GRID2: variants seen among roughly 807,000 people sequenced by gnomAD.
GRID2 encodes the protein glutamate receptor ionotropic, delta-2.
In GRID2, 33 loss-of-function variants were observed where a neutral mutation model predicts 114.8. The observed-to-expected ratio is 0.29, with a 90% CI of 0.22 to 0.38. GRID2 has a LOEUF of 0.38. GRID2 is among the 10% of genes least tolerant of loss of function. The pLI, the probability that GRID2 is intolerant of heterozygous loss-of-function variation, is 1.00. For synonymous variants in GRID2, 505 were observed against 449.9 expected (o/e 1.12, Z -1.55); for missense variants, 1,184 against 1,257.7 (o/e 0.94, Z 0.89).
rs117117075 is a variant in GRID2, at chr4:92,555,458, G to A, written c.89-34673G>A. ...TTAAGGATAGTGAAAATCCATCTCA[G>A]TAGTGTTCAGGATGATAACAGATTG... On this transcript the variant is annotated intron_variant, in intron 1 of 15. Transcript: ENST00000282020. Among the ~76,000 whole-genome samples, 41 of 152,230 alleles carry A rather than the reference G, an allele frequency of 2.7e-4. No homozygotes were observed. In the East Asian group the frequency reaches 6.8e-3, roughly 25 times the overall value.
intron 2 of GRID2, among the ~76,000 whole-genome samples, chr4:92,598,226 C>T (rs528208627): frequency 2.0e-5 from 3 of 152,110 alleles, no homozygotes; most frequent in South Asian, 2.1e-4. Flanking sequence ...AAAATGAATC[C>T]GCCAGTACCT....
At chr4:92,752,610 ATTTT>A (rs1186990186) in intron 2 of GRID2, among the ~76,000 whole-genome samples, 3 of 152,106 alleles carry the variant, frequency 2.0e-5, no homozygotes, top group Admixed American at 2.0e-4. Context: ...ATTTCAGTGG[ATTTT>A]TTATTTAGTT....
chr4:92,541,483 CAATAAT>C (rs10643398), intron 1 of GRID2, among the ~76,000 whole-genome samples: 8 of 150,794 alleles, frequency 5.3e-5, no homozygotes, highest in African/African-American at 1.2e-4. Context: ...CTCAATTTTC[CAATAAT>C]AATAATAATA....
chr4:92,503,393 G>C (rs1723788801), intron 1 of GRID2, among the ~76,000 whole-genome samples: 1 of 152,080 alleles, frequency 6.6e-6, no homozygotes, highest in Non-Finnish European at 1.5e-5. Context: ...CCACCTCAAA[G>C]AGAGATACAA....
chr4:92,980,226 G>T (rs369861550), intron 2 of GRID2, among the ~76,000 whole-genome samples: 27 of 152,004 alleles, frequency 1.8e-4, no homozygotes, highest in African/African-American at 6.5e-4. Context: ...GATAGGGTTG[G>T]GAGAGTAGAG....
chr4:92,550,415 T>G (rs1726524979), intron 1 of GRID2, among the ~76,000 whole-genome samples: 1 of 152,214 alleles, frequency 6.6e-6, no homozygotes, highest in South Asian at 2.1e-4. Context: ...TCCACAGATG[T>G]TCATTAGACA....
intron 10 of GRID2, among the ~76,000 whole-genome samples, chr4:93,449,960 T>C (rs4693320): frequency 0.23 from 35,673 of 151,904 alleles, 5,355 homozygotes; most frequent in Non-Finnish European, 0.34. Flanking sequence ...TTTGCTTCAA[T>C]TGCATAAGAC....
At chr4:92,720,914 G>T (rs745435059) in intron 2 of GRID2, among the ~76,000 whole-genome samples, 4 of 152,006 alleles carry the variant, frequency 2.6e-5, no homozygotes, top group Admixed American at 1.3e-4. Context: ...AATGTTAATT[G>T]ACACAAAAAT....
At chr4:93,617,421 G>C (rs1288862542) in intron 13 of GRID2, among the ~76,000 whole-genome samples, 1 of 152,076 alleles carries the variant, frequency 6.6e-6, no homozygotes, top group South Asian at 2.1e-4. Context: ...CAAACTATGA[G>C]ATTCAGTCTG....
intron 1 of GRID2, among the ~76,000 whole-genome samples, chr4:92,482,093 A>G (rs1286488507): frequency 2.1e-5 from 3 of 144,706 alleles, no homozygotes; most frequent in Non-Finnish European, 4.5e-5. Flanking sequence ...AGATTTATAT[A>G]TATCTATATT....
At chr4:92,799,693 G>T (rs533008474) in intron 2 of GRID2, among the ~76,000 whole-genome samples, 7 of 152,080 alleles carry the variant, frequency 4.6e-5, no homozygotes, top group South Asian at 2.1e-4. Flanking sequence ...CTTTAAAGGG[G>T]TTACAAATAC....
chr4:92,879,876 GC>G (rs1416703171), intron 2 of GRID2, among the ~76,000 whole-genome samples: 1 of 152,324 alleles, frequency 6.6e-6, no homozygotes, highest in South Asian at 2.1e-4. Flanking sequence ...TTGGCCAAGA[GC>G]TTTTGAATCT....
intron 1 of GRID2, among the ~76,000 whole-genome samples, chr4:92,367,856 T>C (rs764248884): frequency 6.6e-6 from 1 of 152,158 alleles, no homozygotes; most frequent in Non-Finnish European, 1.5e-5. Context: ...ACTGCACATA[T>C]ATAACTTGTC....
intron 1 of GRID2, among the ~76,000 whole-genome samples, chr4:92,499,718 G>T (rs139196178): frequency 1.3e-5 from 2 of 152,104 alleles, no homozygotes; most frequent in Admixed American, 1.3e-4. Context: ...GGGTTCATGC[G>T]ATTCTCCTGC....
intron 11 of GRID2, among the ~76,000 whole-genome samples, chr4:93,486,194 A>G (rs1726387690): frequency 6.6e-6 from 1 of 151,586 alleles, no homozygotes; most frequent in Non-Finnish European, 1.5e-5. Context: ...TTTTTTGAAC[A>G]CTGATTCTGT....
At chr4:93,084,959 C>T in intron 2 of GRID2, 36 bp from the exon 3 acceptor site, 1 of 1,569,316 alleles carries the variant, frequency 6.4e-7, no homozygotes, top group Non-Finnish European at 8.7e-7. Context: ...ATGTGAAACC[C>T]ACTGACATTT....
intron 1 of GRID2, among the ~76,000 whole-genome samples, chr4:92,495,584 C>A (rs1723348229): frequency 1.3e-5 from 2 of 151,646 alleles, no homozygotes; most frequent in South Asian, 4.1e-4. Flanking sequence ...GAAATGTAGG[C>A]AAGATTGAAT....
At chr4:93,523,288 A>G (rs1730514143) in intron 13 of GRID2, among the ~76,000 whole-genome samples, 1 of 152,168 alleles carries the variant, frequency 6.6e-6, no homozygotes, top group Non-Finnish European at 1.5e-5. Flanking sequence ...TGGAGGTTAT[A>G]GGTAAGGTGA....
chr4:93,703,203 TC>T (rs1230375082), intron 14 of GRID2, among the ~76,000 whole-genome samples: 1 of 152,162 alleles, frequency 6.6e-6, no homozygotes, highest in Admixed American at 6.6e-5. Flanking sequence ...ATATTTTAAC[TC>T]ATTTTTCTAA....
Sources: gnomAD v4.1 joint callset for allele counts (sites outside exome capture counted in the v4.1 genomes callset) on GRCh38, gnomAD v4.1.1 for gene constraint, MANE v1.5 for transcripts, NCBI Gene and HGNC (gene_info 2026-07-23, HGNC 2026-07-21) for gene names.